Variants in ATR observed in about 807,000 individuals in gnomAD.
ATR encodes the protein serine/threonine-protein kinase ATR.
A neutral mutation model predicts 305.3 loss-of-function variants in ATR; 142 were observed. That is an observed-to-expected ratio of 0.47 (90% confidence interval 0.41 to 0.53). The LOEUF is 0.53. Ranked by LOEUF, ATR falls within the 20% of genes least tolerant of loss-of-function variation. The pLI is 0.00. For synonymous variants in ATR, 1,050 were observed against 1,068.1 expected (o/e 0.98, Z 0.33); for missense variants, 2,135 against 3,133.1 (o/e 0.68, Z 7.60).
chr3:142,458,812 C>G, intron 44 of ATR, 146 bp downstream of exon 44: 1 of 891,486 alleles, frequency 1.1e-6, no homozygotes, highest in Non-Finnish European at 1.8e-6. Flanking sequence ...CTACATGATC[C>G]ACTGATGAAA....
intron 36 of ATR, among the ~76,000 whole-genome samples, chr3:142,471,711 C>T (rs1388116798): frequency 2.6e-5 from 4 of 152,106 alleles, no homozygotes; most frequent in Admixed American, 1.3e-4. Flanking sequence ...AGCTAACTCA[C>T]GCATGCTAAT....
chr3:142,542,912 A>G (rs1396999357), intron 16 of ATR, among the ~76,000 whole-genome samples, 155 bp from the exon 17 acceptor site: 4 of 152,236 alleles, frequency 2.6e-5, no homozygotes, highest in Admixed American at 6.5e-5. Flanking sequence ...CCAAAAGCAT[A>G]TATCTTCACA....
rs763140526 is a variant in ATR at position 142,457,800 on chromosome 3, T to A, written c.7504-45A>T. ...ATTACAAACTAACAATGTTAGAATT[T>A]AAAAATCTTTACTCAAAGAACTTCA... is the stretch of plus-strand genomic sequence containing the variant. On this transcript the variant is annotated intron_variant, in intron 44 of 46. Transcript: ENST00000350721. 9.4e-6 allele frequency: 15 copies of A among 1,598,574 alleles called. 1 individual carries two copies. In the South Asian group the frequency reaches 1.0e-4, roughly 11 times the overall value.
At chr3:142,457,947 C>A in intron 44 of ATR, 192 bp from the exon 45 acceptor site, 1 of 642,534 alleles carries the variant, frequency 1.6e-6, no homozygotes, top group African/African-American at 1.8e-5. Flanking sequence ...GAACTGAAAC[C>A]ATACTTGATC....
intron 3 of ATR, among the ~76,000 whole-genome samples, chr3:142,565,004 C>A (rs1269481018): frequency 2.0e-5 from 3 of 152,118 alleles, no homozygotes; most frequent in Non-Finnish European, 2.9e-5. Flanking sequence ...GTCTCGAACT[C>A]CCAAAGTGCT....
chr3:142,539,968 A>G (rs2033990381), intron 18 of ATR, among the ~76,000 whole-genome samples: 1 of 152,154 alleles, frequency 6.6e-6, no homozygotes, highest in African/African-American at 2.4e-5. Flanking sequence ...CTACTGTCTA[A>G]TCTTACCATT....
intron 36 of ATR, among the ~76,000 whole-genome samples, chr3:142,474,169 C>T (rs965976957): frequency 6.6e-6 from 1 of 151,628 alleles, no homozygotes; most frequent in African/African-American, 2.4e-5. Flanking sequence ...TCAAGTGATC[C>T]ACCTGCCTCA....
chr3:142,540,328 T>C (rs2034004771), intron 18 of ATR, among the ~76,000 whole-genome samples: 1 of 152,106 alleles, frequency 6.6e-6, no homozygotes, highest in African/African-American at 2.4e-5. Flanking sequence ...CAAGAAACTA[T>C]GATACATACA....
At position 142,513,526 on chromosome 3, in the gene ATR, C is replaced by T. The variant is rs1441211828; in HGVS notation, c.4616G>A (p.Gly1539Asp). ...CTCCTGCTGATCTTCTTGATTACAACCCAGTAAGACATACACCAGAATATG... is the reference window on the plus strand; with the variant it reads ...CTCCTGCTGATCTTCTTGATTACAATCCAGTAAGACATACACCAGAATATG... ...LPHILVYVLL[G>D]CNQEDQQEVY... is the part of the protein sequence containing the mutation. Residue 1539 changes from glycine to aspartate, a missense_variant, in exon 26 of 47, where the codon GGT becomes GAT. Gly to Asp is a moderately conservative substitution (Grantham distance 94, BLOSUM62 -1). Transcript: ENST00000350721. The T allele has an allele frequency of 3.1e-6, 5 of 1,613,388 alleles. No individual in the cohort carries two copies. Among genetic ancestry groups the T allele is most frequent in the Non-Finnish European group, 4.2e-6 (5 of 1,179,646 alleles).
chr3:142,529,374 C>A (rs1168853671), intron 21 of ATR, among the ~76,000 whole-genome samples: 1 of 152,016 alleles, frequency 6.6e-6, no homozygotes, highest in Non-Finnish European at 1.5e-5. Context: ...AATTACTGAG[C>A]TTATCTTACT....
At chr3:142,567,945 G>C in intron 2 of ATR, 118 bp downstream of exon 2, 2 of 818,454 alleles carry the variant, frequency 2.4e-6, no homozygotes, top group Non-Finnish European at 1.9e-6. Context: ...CTTGAAAATA[G>C]TAACTATCAT....
chr3:142,555,403 ATCT>A (rs1187801109), intron 10 of ATR, among the ~76,000 whole-genome samples: 1 of 152,122 alleles, frequency 6.6e-6, no homozygotes, highest in Non-Finnish European at 1.5e-5. Context: ...AAACAAATGG[ATCT>A]TCTAAGTATT....
intron 41 of ATR, 60 bp from the exon 42 acceptor site, chr3:142,462,150 T>A (rs2108266582): frequency 6.9e-7 from 1 of 1,459,850 alleles, no homozygotes; most frequent in Non-Finnish European, 9.5e-7. Context: ...CTAAATGTTA[T>A]ATCAAATATA....
chr3:142,531,743 T>G, intron 21 of ATR, among the ~76,000 whole-genome samples: 1 of 152,234 alleles, frequency 6.6e-6, no homozygotes, highest in African/African-American at 2.4e-5. Context: ...TATAGCAGCA[T>G]GTTTTATAAT....
At chr3:142,463,131 T>C (rs368058361) in intron 41 of ATR, among the ~76,000 whole-genome samples, 9 of 152,010 alleles carry the variant, frequency 5.9e-5, no homozygotes, top group African/African-American at 1.2e-4. Flanking sequence ...AAAACTAACA[T>C]AGTTTTTTAC....
intron 1 of ATR, among the ~76,000 whole-genome samples, chr3:142,572,306 T>C (rs1021189643): frequency 3.3e-5 from 5 of 149,834 alleles, no homozygotes; most frequent in Non-Finnish European, 4.4e-5. Context: ...ACTGACCTCA[T>C]GATCCATCCG....
intron 38 of ATR, among the ~76,000 whole-genome samples, chr3:142,468,486 C>A (rs988361032): frequency 6.6e-6 from 1 of 151,696 alleles, no homozygotes; most frequent in African/African-American, 2.4e-5. Flanking sequence ...TGAAATTGTA[C>A]GGCAACATAA....
chr3:142,568,512 G>T (rs899746737), intron 1 of ATR, among the ~76,000 whole-genome samples: 1 of 152,188 alleles, frequency 6.6e-6, no homozygotes, highest in Admixed American at 6.5e-5. Flanking sequence ...GTGGTGCTAG[G>T]GCTGCTCTCT....
intron 26 of ATR, among the ~76,000 whole-genome samples, chr3:142,513,129 G>A (rs933434212): frequency 6.6e-6 from 1 of 152,030 alleles, no homozygotes; most frequent in African/African-American, 2.4e-5. Context: ...AGAAAATATA[G>A]CAAATAAGTT....
Sources: allele counts gnomAD v4.1 joint callset (sites outside exome capture counted in the v4.1 genomes callset), GRCh38; gene constraint gnomAD v4.1.1; transcripts MANE v1.5; gene names NCBI Gene and HGNC (gene_info 2026-07-23, HGNC 2026-07-21).